The following RAPGEF4 variants were observed in gnomAD, a reference collection of about 807,000 sequenced individuals.
The protein encoded by RAPGEF4 is Rap guanine nucleotide exchange factor 4.
In RAPGEF4, 66 loss-of-function variants were observed where a neutral mutation model predicts 147.9. The ratio of observed to expected loss-of-function variants is 0.45; its 90% CI spans 0.37 to 0.55. The LOEUF (loss-of-function observed/expected upper bound fraction) is 0.55, where lower values mean the gene tolerates loss of function less well. RAPGEF4 is among the 20% of genes least tolerant of loss of function. RAPGEF4 has a pLI of 0.00. For synonymous variants in RAPGEF4, 419 were observed against 442.7 expected (o/e 0.95, Z 0.67); for missense variants, 1,071 against 1,257.3 (o/e 0.85, Z 2.24).
intron 11 of RAPGEF4, 47 bp downstream of exon 11, chr2:172,983,627 T>C (rs1340685647): frequency 1.2e-6 from 2 of 1,607,252 alleles, no homozygotes; most frequent in Non-Finnish European, 1.7e-6. Context: ...TTGCAATAAA[T>C]GCACTGTTAG....
chr2:172,853,466 A>G (rs1693083898), intron 4 of RAPGEF4, among the ~76,000 whole-genome samples: 1 of 152,014 alleles, frequency 6.6e-6, no homozygotes, highest in African/African-American at 2.4e-5. Flanking sequence ...CAGGATTTGC[A>G]GATACACTGC....
At chr2:172,967,557 A>G in intron 10 of RAPGEF4, 113 bp downstream of exon 10, 4 of 1,120,044 alleles carry the variant, frequency 3.6e-6, no homozygotes, top group Non-Finnish European at 4.9e-6. Context: ...TCCCCCATGG[A>G]ACAAAAGGGA....
At chr2:172,814,492 A>G (rs1366788283) in intron 4 of RAPGEF4, 67 bp downstream of exon 4, 2 of 1,524,520 alleles carry the variant, frequency 1.3e-6, no homozygotes, top group Admixed American at 1.7e-5. Flanking sequence ...CCACATGGAT[A>G]ATGGCATTAC....
chr2:172,775,518 T>C (rs1684075584), intron 1 of RAPGEF4, among the ~76,000 whole-genome samples: 1 of 152,208 alleles, frequency 6.6e-6, no homozygotes, highest in Admixed American at 6.5e-5. Flanking sequence ...CTGGGGCTTT[T>C]CATTCTATGC....
chr2:172,908,904 G>A (rs771870567), intron 4 of RAPGEF4, among the ~76,000 whole-genome samples: 46 of 152,118 alleles, frequency 3.0e-4, no homozygotes, highest in Admixed American at 2.3e-3. Context: ...GAGCCAAGCC[G>A]GCCAAGTGCT....
At chr2:172,970,180 C>T (rs1266352954) in intron 10 of RAPGEF4, among the ~76,000 whole-genome samples, 1 of 117,560 alleles carries the variant, frequency 8.5e-6, no homozygotes, top group African/African-American at 2.7e-5. Flanking sequence ...CACACACACA[C>T]CCTTTTTTTT....
chr2:172,810,592 T>A (rs1227575400), intron 3 of RAPGEF4, among the ~76,000 whole-genome samples: 1 of 152,208 alleles, frequency 6.6e-6, no homozygotes, highest in Non-Finnish European at 1.5e-5. Flanking sequence ...CCAGATGGCG[T>A]GTCGGTGATA....
At chr2:172,895,903 A>G (rs1254418630) in intron 4 of RAPGEF4, among the ~76,000 whole-genome samples, 1 of 152,206 alleles carries the variant, frequency 6.6e-6, no homozygotes, top group Admixed American at 6.5e-5. Flanking sequence ...AAATTAACCC[A>G]CTTTTGATCT....
intron 1 of RAPGEF4, among the ~76,000 whole-genome samples, chr2:172,758,278 A>T (rs941237059): frequency 2.0e-5 from 3 of 152,142 alleles, no homozygotes; most frequent in Non-Finnish European, 2.9e-5. Flanking sequence ...GAAGTGAACA[A>T]GGGAAAGGGT....
At chr2:172,962,165 A>G (rs572312445) in intron 8 of RAPGEF4, among the ~76,000 whole-genome samples, 3 of 152,192 alleles carry the variant, frequency 2.0e-5, no homozygotes, top group Non-Finnish European at 4.4e-5. Context: ...AGAATTGCCA[A>G]TATGTGGCAC....
intron 4 of RAPGEF4, among the ~76,000 whole-genome samples, chr2:172,913,420 C>G (rs1450445440): frequency 6.6e-6 from 1 of 152,210 alleles, no homozygotes; most frequent in Non-Finnish European, 1.5e-5. Flanking sequence ...CAAATTTGAA[C>G]AGGATGCTGT....
chr2:172,781,979 A>G (rs1337653879), intron 1 of RAPGEF4, among the ~76,000 whole-genome samples: 1 of 152,138 alleles, frequency 6.6e-6, no homozygotes, highest in Admixed American at 6.5e-5. Flanking sequence ...ACTCCTCTAA[A>G]TTCAAGTCCC....
rs73971881 is a variant in RAPGEF4 at position 173,044,487 on chromosome 2, G to A, written c.2854-4113G>A. 8.3e-3 allele frequency among the ~76,000 whole-genome samples: 1,259 copies of A among 152,218 alleles called. 16 individuals are homozygous for A. The highest frequency in any genetic ancestry group is 0.026 in the African/African-American group (1,077 of 41,536). ...TTCAGCTCTAAAGAAAAATAGACGCGTGACATAGTCACAGAGTTCTTCACT... is the reference window on the plus strand; with the variant it reads ...TTCAGCTCTAAAGAAAAATAGACGCATGACATAGTCACAGAGTTCTTCACT... On this transcript the variant is annotated intron_variant, in intron 29 of 30. Transcript: ENST00000397081.
intron 6 of RAPGEF4, among the ~76,000 whole-genome samples, chr2:172,937,212 C>T (rs550106571): frequency 1.3e-3 from 197 of 151,990 alleles, no homozygotes; most frequent in Non-Finnish European, 2.3e-3. Context: ...CAGAGCAAGA[C>T]CCTGTCTCTT....
intron 4 of RAPGEF4, among the ~76,000 whole-genome samples, chr2:172,866,186 TA>T (rs1354404406): frequency 5.3e-5 from 8 of 152,086 alleles, no homozygotes; most frequent in African/African-American, 1.9e-4. Flanking sequence ...TCCCCTTTTA[TA>T]GCCAATCTTT....
intron 1 of RAPGEF4, among the ~76,000 whole-genome samples, chr2:172,765,165 T>C (rs779686980): frequency 3.3e-5 from 5 of 152,228 alleles, no homozygotes; most frequent in Admixed American, 2.0e-4. Flanking sequence ...CATGGTTGTC[T>C]TGCCTCCGTG....
At chr2:172,991,613 T>G (rs1195949905) in intron 15 of RAPGEF4, among the ~76,000 whole-genome samples, 1 of 152,142 alleles carries the variant, frequency 6.6e-6, no homozygotes, top group African/African-American at 2.4e-5. Flanking sequence ...TCTAAGAAAT[T>G]ACAGAAAATT....
chr2:172,784,601 A>T (rs569407047), intron 1 of RAPGEF4, among the ~76,000 whole-genome samples: 1 of 152,178 alleles, frequency 6.6e-6, no homozygotes, highest in African/African-American at 2.4e-5. Flanking sequence ...CACCTTTCTG[A>T]ATTTTGTTGA....
chr2:172,993,160 C>G (rs986484022), intron 15 of RAPGEF4, among the ~76,000 whole-genome samples: 5 of 152,110 alleles, frequency 3.3e-5, no homozygotes, highest in African/African-American at 1.2e-4. Flanking sequence ...TCAAAACCTC[C>G]TGACTCTACC....
Sources: allele counts gnomAD v4.1 joint callset (sites outside exome capture counted in the v4.1 genomes callset), GRCh38; gene constraint gnomAD v4.1.1; transcripts MANE v1.5; gene names NCBI Gene and HGNC (gene_info 2026-07-23, HGNC 2026-07-21).